PRELID2: variants seen among roughly 807,000 people sequenced by gnomAD.
PRELID2 encodes the protein PRELI domain-containing protein 2.
Under a neutral mutation model 28.4 loss-of-function variants are expected in PRELID2, and 25 were observed. The ratio of observed to expected loss-of-function variants is 0.88; its 90% CI spans 0.64 to 1.23. The LOEUF is 1.23. Among genes scored for constraint, PRELID2 ranks in the 50% most tolerant of loss-of-function variants. The pLI, the probability that PRELID2 is intolerant of heterozygous loss-of-function variation, is 0.00. For synonymous variants in PRELID2, 76 were observed against 71.6 expected (o/e 1.06, Z -0.31); for missense variants, 201 against 214.4 (o/e 0.94, Z 0.39).
At chr5:145,543,276 G>A (rs1189492589) in intron 1 of PRELID2, among the ~76,000 whole-genome samples, 2 of 152,100 alleles carry the variant, frequency 1.3e-5, no homozygotes, top group Non-Finnish European at 2.9e-5. Flanking sequence ...CATATTGCCA[G>A]CACTTAATAG....
intron 1 of PRELID2, among the ~76,000 whole-genome samples, chr5:145,545,757 T>G (rs1752781188): frequency 6.6e-6 from 1 of 152,192 alleles, no homozygotes; most frequent in Admixed American, 6.6e-5. Flanking sequence ...GAAGCTACTC[T>G]GGTTCTCACG....
At chr5:145,668,361 TG>T in intron 1 of PRELID2, among the ~76,000 whole-genome samples, 1 of 142,380 alleles carries the variant, frequency 7.0e-6, no homozygotes. Flanking sequence ...ATTATGAAGG[TG>T]GTTAAAAAAA....
chr5:145,718,878 G>A (rs1755912262), intron 1 of PRELID2, among the ~76,000 whole-genome samples: 1 of 152,034 alleles, frequency 6.6e-6, no homozygotes, highest in Non-Finnish European at 1.5e-5. Flanking sequence ...AGTGTAAGAT[G>A]TGAGGGTAAC....
chr5:145,390,553 G>A, the PRELID2 span, among the ~76,000 whole-genome samples: 1 of 152,160 alleles, frequency 6.6e-6, no homozygotes, highest in Non-Finnish European at 1.5e-5. Context: ...CTCCCACTGG[G>A]ATCCTCCCAC....
chr5:145,520,696 G>A (rs12654211), intron 1 of PRELID2, among the ~76,000 whole-genome samples: 14,708 of 152,020 alleles, frequency 0.097, 788 homozygotes, highest in Non-Finnish European at 0.12. Flanking sequence ...TAAATGTGTC[G>A]TAATTAATTA....
At chr5:145,389,526 T>C in the PRELID2 span, among the ~76,000 whole-genome samples, 190 of 152,314 alleles carry the variant, frequency 1.2e-3, no homozygotes, top group Non-Finnish European at 2.0e-3. Context: ...TTTGCTATTC[T>C]GGCTGCTTTG....
intron 1 of PRELID2, among the ~76,000 whole-genome samples, chr5:145,737,146 T>G (rs1270463904): frequency 1.3e-5 from 2 of 152,024 alleles, no homozygotes; most frequent in Non-Finnish European, 2.9e-5. Context: ...CTTTACAAAT[T>G]TATTCAAGTT....
the PRELID2 span, among the ~76,000 whole-genome samples, chr5:145,295,004 A>T: frequency 6.6e-6 from 1 of 152,152 alleles, no homozygotes; most frequent in East Asian, 1.9e-4. Context: ...TGAATGAGGT[A>T]CTAGGGAACA....
intron 1 of PRELID2, among the ~76,000 whole-genome samples, chr5:145,545,472 C>A (rs1752778615): frequency 6.6e-6 from 1 of 150,584 alleles, no homozygotes; most frequent in Admixed American, 6.6e-5. Context: ...CCCTAATTTT[C>A]AAAGTAAAAC....
At chr5:145,489,125 T>C (rs1003567655) in intron 1 of PRELID2, among the ~76,000 whole-genome samples, 1 of 152,182 alleles carries the variant, frequency 6.6e-6, no homozygotes, top group Non-Finnish European at 1.5e-5. Flanking sequence ...CAGACTATCC[T>C]GGTTTCTTCC....
the PRELID2 span, among the ~76,000 whole-genome samples, chr5:145,452,467 C>T: frequency 6.6e-6 from 1 of 152,078 alleles, no homozygotes; most frequent in Non-Finnish European, 1.5e-5. Context: ...TTTTTTGGAC[C>T]TCAACTTAGA....
chr5:145,647,482 C>A (rs1312915367), intron 1 of PRELID2, among the ~76,000 whole-genome samples: 1 of 152,200 alleles, frequency 6.6e-6, no homozygotes, highest in East Asian at 1.9e-4. Flanking sequence ...ACCCACCGAG[C>A]CAGACCACTT....
chr5:145,810,618 T>C (rs1026521021), intron 4 of PRELID2, among the ~76,000 whole-genome samples: 5 of 152,232 alleles, frequency 3.3e-5, no homozygotes, highest in Non-Finnish European at 7.3e-5. Context: ...ACACTGTTTC[T>C]ATATTAAATA....
At chr5:145,366,026 G>A in the PRELID2 span, among the ~76,000 whole-genome samples, 1 of 151,840 alleles carries the variant, frequency 6.6e-6, no homozygotes, top group African/African-American at 2.4e-5. Context: ...TTCTAAAATA[G>A]ATATCTGTAT....
Position 145,764,944 on chromosome 5 carries a change from T to G in PRELID2, c.531A>C (p.Glu177Asp), listed in dbSNP as rs370712860. 4.3e-6 allele frequency: 7 copies of G among 1,612,074 alleles called. No homozygotes were observed. The South Asian group carries it at 5.5e-5, about 13-fold the overall frequency. The change falls in exon 6 of 7, where the codon GAA (glutamate) becomes GAC (aspartate). Residue 177 changes from glutamate (E) to aspartate (D), a missense_variant. Transcript: ENST00000683046. ...LKEQCGAPLA[E>D] ...TTTGGTACTCACTGATGATTCTTTA[T>G]TCAGCTAAGGGGGCACCACACTGTT...
At chr5:145,528,720 C>T (rs1214156173) in intron 1 of PRELID2, among the ~76,000 whole-genome samples, 15 of 134,744 alleles carry the variant, frequency 1.1e-4, no homozygotes, top group Admixed American at 3.9e-4. Flanking sequence ...CACACACACA[C>T]ACACACAGAG....
At chr5:145,743,212 C>T (rs545574119) in intron 1 of PRELID2, among the ~76,000 whole-genome samples, 2 of 151,886 alleles carry the variant, frequency 1.3e-5, no homozygotes, top group East Asian at 2.0e-4. Context: ...AGTTCAAGAC[C>T]AGCCTGGCCA....
intron 1 of PRELID2, among the ~76,000 whole-genome samples, chr5:145,577,814 T>C (rs17103421): frequency 0.071 from 10,850 of 152,174 alleles, 577 homozygotes; most frequent in Admixed American, 0.18. Context: ...ACATCTGTCT[T>C]CCACACTAAC....
At chr5:145,690,094 AT>A (rs1219001637) in intron 1 of PRELID2, among the ~76,000 whole-genome samples, 1 of 151,282 alleles carries the variant, frequency 6.6e-6, no homozygotes, top group Non-Finnish European at 1.5e-5. Flanking sequence ...AGCTCAAGCA[AT>A]TTTAGTGCCT....
Sources: allele counts gnomAD v4.1 joint callset (sites outside exome capture counted in the v4.1 genomes callset), GRCh38; gene constraint gnomAD v4.1.1; transcripts MANE v1.5; gene names NCBI Gene and HGNC (gene_info 2026-07-23, HGNC 2026-07-21).